Variants in EVC observed in about 807,000 individuals in gnomAD.
EVC encodes evC complex member EVC.
Under a neutral mutation model 118.9 loss-of-function variants are expected in EVC, and 116 were observed. The observed-to-expected ratio is 0.98, with a 90% CI of 0.84 to 1.14. The LOEUF (loss-of-function observed/expected upper bound fraction) is 1.14, where lower values mean the gene tolerates loss of function less well. EVC is among the 50% of genes most tolerant of loss of function. The probability of loss-of-function intolerance (pLI) is 0.00; values close to 1 mark genes in which losing one functional copy is unlikely to be tolerated. For missense variants in EVC, 1,401 were observed against 1,246.4 expected, an observed-to-expected ratio of 1.12 and a Z score of -1.87; for synonymous variants, 619 against 534.7, an observed-to-expected ratio of 1.16 and a Z score of -2.18.
intron 1 of EVC, among the ~76,000 whole-genome samples, chr4:5,715,004 G>T (rs1162571404): frequency 6.6e-6 from 1 of 151,408 alleles, no homozygotes; most frequent in Non-Finnish European, 1.5e-5. Flanking sequence ...TGTAGAGTTA[G>T]AGTTTTGCCA....
intron 5 of EVC, among the ~76,000 whole-genome samples, chr4:5,739,803 T>A (rs889168997): frequency 6.6e-6 from 1 of 151,058 alleles, no homozygotes; most frequent in Non-Finnish European, 1.5e-5. Context: ...CAGTGACTCA[T>A]GCCTATAATC....
the EVC span, chr4:5,828,506 C>A: frequency 6.2e-7 from 1 of 1,613,908 alleles, no homozygotes; most frequent in Non-Finnish European, 8.5e-7. Context: ...CTGATTTTGA[C>A]GCGCTGGTAC....
At chr4:5,758,297 C>T (rs781346936) in intron 11 of EVC, 9 of 565,518 alleles carry the variant, frequency 1.6e-5, no homozygotes, top group East Asian at 5.8e-5. Context: ...GAATAAACTT[C>T]GTTGTCTTAA....
intron 17 of EVC, among the ~76,000 whole-genome samples, chr4:5,806,101 A>G (rs1241519481): frequency 1.4e-5 from 2 of 147,008 alleles, no homozygotes; most frequent in African/African-American, 5.0e-5. Context: ...TTTTTTTGAG[A>G]CAGAGTCTTG....
Position 5,783,570 on chromosome 4 carries a change from G to A in EVC, c.1582G>A (p.Val528Met), listed in dbSNP as rs144252684. ...ALCQELYFST[V>M]DTFQKFVDAL... ...GCTCCAGGAGCTGTACTTCAGCACC[G>A]TGGACACTTTCCAGAAGTTCGTGGA... is the stretch of plus-strand genomic sequence containing the variant. Residue 528 changes from valine (V) to methionine (M), a missense_variant, in exon 12 of 21, where the codon GTG (valine) becomes ATG (methionine). Coordinates refer to ENST00000264956, the MANE Select transcript of EVC (RefSeq NM_153717.3). 16 of 1,614,020 alleles carry A rather than the reference G, an allele frequency of 9.9e-6. No individual in the cohort carries two copies. The highest frequency in any genetic ancestry group is 6.7e-5 in the African/African-American group (5 of 74,916).
At chr4:5,802,782 G>A (rs1016094954) in intron 16 of EVC, among the ~76,000 whole-genome samples, 1 of 152,152 alleles carries the variant, frequency 6.6e-6, no homozygotes, top group Admixed American at 6.5e-5. Flanking sequence ...GATGGGGAGC[G>A]GCTGTAAATA....
In EVC at chr4:5,798,877, C is replaced by A; in HGVS notation, c.2304+85C>A. ...ATGCCTGGGTCTGCTCCTTGCCACACCGTTCATGGAGCTTGTGGCCTAGTA... is the reference window on the plus strand; with the variant it reads ...ATGCCTGGGTCTGCTCCTTGCCACAACGTTCATGGAGCTTGTGGCCTAGTA... On this transcript the variant is annotated intron_variant, in intron 15 of 20. Transcript: ENST00000264956. This position sits in a 1 kb window ranked among gnomAD's most constrained non-coding sequence, Gnocchi z 4.1. 1 of 1,388,392 alleles carries A rather than the reference C, an allele frequency of 7.2e-7. No homozygotes were observed. The highest frequency in any genetic ancestry group is 1.0e-6 in the Non-Finnish European group (1 of 998,334). 86.0% of individuals were successfully genotyped at this position (1,388,392 alleles called of 1,614,324 possible). A position where few individuals can be genotyped will look rare whatever the true frequency, so the allele number is the denominator to read the frequency against.
intron 5 of EVC, among the ~76,000 whole-genome samples, chr4:5,733,965 G>C (rs1463616126): frequency 1.3e-5 from 2 of 152,142 alleles, no homozygotes; most frequent in African/African-American, 2.4e-5. Flanking sequence ...GAGATGAGAA[G>C]TTCAGTACCT....
intron 12 of EVC, among the ~76,000 whole-genome samples, chr4:5,791,921 T>C (rs2152319951): frequency 6.6e-6 from 1 of 152,214 alleles, no homozygotes; most frequent in South Asian, 2.1e-4. Flanking sequence ...TTCTAACCCC[T>C]CTACACATTC....
chr4:5,760,425 C>T (rs1025467966), intron 11 of EVC, among the ~76,000 whole-genome samples: 5 of 151,922 alleles, frequency 3.3e-5, no homozygotes, highest in South Asian at 4.2e-4. Flanking sequence ...ACAGGTGTGA[C>T]GAGGGGTGAT....
chr4:5,828,846 A>G, the EVC span, among the ~76,000 whole-genome samples: 3 of 152,220 alleles, frequency 2.0e-5, no homozygotes, highest in African/African-American at 7.2e-5. Context: ...GTATATAACC[A>G]ACAACTCACC....
downstream of EVC, among the ~76,000 whole-genome samples, chr4:5,817,136 T>C (rs368203486): frequency 3.9e-5 from 6 of 152,344 alleles, no homozygotes; most frequent in African/African-American, 1.2e-4. Flanking sequence ...AAGTGAACGT[T>C]GGGATACGGA....
In EVC at chr4:5,731,492, A is replaced by G; in HGVS notation, c.452A>G (p.Gln151Arg). Reference protein sequence around the residue: ...ENLKQAVLPHQPVEASPSSSL... With the variant: ...ENLKQAVLPHRPVEASPSSSL... ...TTAAAGCAGGCTGTTTTGCCACACC[A>G]GCCGGTAGAGGCCTCTCCTTCCAGC... Residue 151 changes from glutamine (Q) to arginine (R), a missense_variant, in exon 4 of 21, where the codon CAG (glutamine) becomes CGG (arginine). Coordinates refer to ENST00000264956, the MANE Select transcript of EVC (RefSeq NM_153717.3). The surrounding 1 kb of genome is among the most constrained non-coding windows in gnomAD (Gnocchi z 5.6). 6.2e-7 allele frequency: 1 copy of G among 1,614,052 alleles called. No individual in the cohort carries two copies. Among genetic ancestry groups the G allele is most frequent in the Non-Finnish European group, 8.5e-7 (1 of 1,179,998 alleles).
intron 9 of EVC, 105 bp from the exon 10 acceptor site, chr4:5,753,680 C>T (rs1413349436): frequency 6.8e-6 from 10 of 1,477,194 alleles, no homozygotes; most frequent in Middle Eastern, 1.8e-4. Context: ...TCTCTGCAGC[C>T]GACACCAGCT....
intron 6 of EVC, 30 bp from the exon 7 acceptor site, chr4:5,745,174 T>C (rs1253643083): frequency 6.2e-7 from 1 of 1,607,204 alleles, no homozygotes; most frequent in Non-Finnish European, 8.5e-7. Context: ...TCTTTGTTTA[T>C]TTGCTTTCTT....
At chr4:5,816,983 CT>C (rs1017673156), downstream of EVC, among the ~76,000 whole-genome samples, 1 of 152,188 alleles carries the variant, frequency 6.6e-6, no homozygotes, top group Non-Finnish European at 1.5e-5. Context: ...CTGGAAACCA[CT>C]TAGCTGCCTC....
chr4:5,791,097 A>G (rs1347818738), intron 12 of EVC, among the ~76,000 whole-genome samples: 1 of 152,212 alleles, frequency 6.6e-6, no homozygotes, highest in Non-Finnish European at 1.5e-5. Context: ...CTCCATCTCA[A>G]AAAGAAAAAA....
chr4:5,791,686 C>T (rs1712814850), intron 12 of EVC, among the ~76,000 whole-genome samples: 1 of 152,122 alleles, frequency 6.6e-6, no homozygotes, highest in Non-Finnish European at 1.5e-5. Flanking sequence ...CACAGCTGGG[C>T]CTGGGTGTTC....
chr4:5,715,681 A>G (rs931893611), intron 1 of EVC, among the ~76,000 whole-genome samples: 2 of 152,020 alleles, frequency 1.3e-5, no homozygotes, highest in Non-Finnish European at 2.9e-5. Flanking sequence ...TTAATTTGGT[A>G]AGAATAATTA....
Sources: gnomAD v4.1 joint callset for allele counts (sites outside exome capture counted in the v4.1 genomes callset) on GRCh38, gnomAD v4.1.1 for gene constraint, Gnocchi (gnomAD v3.1) non-coding constraint, MANE v1.5 for transcripts, NCBI Gene and HGNC (gene_info 2026-07-23, HGNC 2026-07-21) for gene names.